Variants in CDK14 observed in about 807,000 individuals in gnomAD.
CDK14 encodes cyclin-dependent kinase 14.
In CDK14, 34 loss-of-function variants were observed where a neutral mutation model predicts 60.7. That is an observed-to-expected ratio of 0.56 (90% CI 0.43 to 0.75). The LOEUF is 0.75. CDK14 is among the 30% of genes least tolerant of loss of function. The pLI is 0.00. For missense variants in CDK14, 482 were observed against 564.1 expected (o/e 0.85, Z 1.47); for synonymous variants, 197 against 203.7 (o/e 0.97, Z 0.28).
At chr7:90,858,101 TA>T (rs1259530690) in intron 5 of CDK14, among the ~76,000 whole-genome samples, 2 of 152,252 alleles carry the variant, frequency 1.3e-5, no homozygotes, top group African/African-American at 4.8e-5. Flanking sequence ...AAATCTGTCA[TA>T]ATTATTGAGA....
At chr7:90,783,910 C>G (rs561263654) in intron 4 of CDK14, among the ~76,000 whole-genome samples, 1 of 152,120 alleles carries the variant, frequency 6.6e-6, no homozygotes, top group African/African-American at 2.4e-5. Flanking sequence ...ATCCAGCAGT[C>G]CCACTCCTGG....
intron 10 of CDK14, among the ~76,000 whole-genome samples, chr7:91,040,868 G>A (rs1171861971): frequency 6.6e-6 from 1 of 152,246 alleles, no homozygotes; most frequent in African/African-American, 2.4e-5. Context: ...TGAGAGAATT[G>A]GTGGAACTAG....
At chr7:90,623,204 T>C (rs1470772739) in intron 2 of CDK14, among the ~76,000 whole-genome samples, 9 of 152,154 alleles carry the variant, frequency 5.9e-5, no homozygotes, top group African/African-American at 2.2e-4. Flanking sequence ...TATACGTAGG[T>C]CTAAAACTGC....
intron 10 of CDK14, among the ~76,000 whole-genome samples, chr7:91,026,992 C>T (rs1796593430): frequency 6.6e-6 from 1 of 152,174 alleles, no homozygotes; most frequent in Admixed American, 6.5e-5. Context: ...CTTAGGCTGC[C>T]TACTGCTACC....
At chr7:91,030,079 A>G (rs1796717718) in intron 10 of CDK14, among the ~76,000 whole-genome samples, 1 of 152,210 alleles carries the variant, frequency 6.6e-6, no homozygotes, top group Non-Finnish European at 1.5e-5. Context: ...TAAGCTCTCA[A>G]TAACTTTTGA....
chr7:91,008,996 TG>T (rs1796075415), intron 10 of CDK14, among the ~76,000 whole-genome samples: 1 of 152,072 alleles, frequency 6.6e-6, no homozygotes, highest in Non-Finnish European at 1.5e-5. Context: ...TGAACCTCCT[TG>T]TAGTCCCCCC....
chr7:90,768,575 A>G (rs933893186), intron 4 of CDK14, among the ~76,000 whole-genome samples: 4 of 152,244 alleles, frequency 2.6e-5, no homozygotes, highest in Non-Finnish European at 5.9e-5. Context: ...AGTTGGAGCC[A>G]TTCCATTATC....
chr7:91,137,327 T>C (rs1800309734), intron 14 of CDK14, among the ~76,000 whole-genome samples: 1 of 152,124 alleles, frequency 6.6e-6, no homozygotes, highest in African/African-American at 2.4e-5. Flanking sequence ...TGTGTTCTCT[T>C]TCCCACCAGG....
chr7:90,793,242 G>A (rs1805907295), intron 5 of CDK14, among the ~76,000 whole-genome samples: 1 of 152,224 alleles, frequency 6.6e-6, no homozygotes, highest in Admixed American at 6.5e-5. Context: ...CAGATTATTA[G>A]ATACAGTCTG....
chr7:90,752,519 T>TA (rs755821348), intron 4 of CDK14, among the ~76,000 whole-genome samples: 1 of 151,988 alleles, frequency 6.6e-6, no homozygotes, highest in Non-Finnish European at 1.5e-5. Flanking sequence ...AAAACAGTGT[T>TA]AAGAGGAAAG....
At chr7:91,000,624 C>CT (rs1231124359) in intron 10 of CDK14, among the ~76,000 whole-genome samples, 1 of 152,174 alleles carries the variant, frequency 6.6e-6, no homozygotes, top group African/African-American at 2.4e-5. Context: ...TCTTTGAGAA[C>CT]TTTTTTTGCT....
intron 10 of CDK14, among the ~76,000 whole-genome samples, chr7:90,992,870 C>CATT (rs1795579065): frequency 6.6e-6 from 1 of 152,158 alleles, no homozygotes; most frequent in Admixed American, 6.6e-5. Context: ...ACAATTCAGG[C>CATT]ATTAGATTGA....
At chr7:90,680,706 G>T (rs1463964158) in intron 2 of CDK14, among the ~76,000 whole-genome samples, 1 of 152,230 alleles carries the variant, frequency 6.6e-6, no homozygotes, top group African/African-American at 2.4e-5. Flanking sequence ...TCAGCTGCGG[G>T]AGTGTTTGGG....
intron 14 of CDK14, among the ~76,000 whole-genome samples, chr7:91,132,204 C>T (rs1014743065): frequency 1.7e-4 from 26 of 151,864 alleles, no homozygotes; most frequent in African/African-American, 5.8e-4. Context: ...TAATTTTGCT[C>T]GAGGAGATAG....
At chr7:90,798,720 C>T (rs1417734913) in intron 5 of CDK14, among the ~76,000 whole-genome samples, 1 of 152,172 alleles carries the variant, frequency 6.6e-6, no homozygotes, top group Non-Finnish European at 1.5e-5. Context: ...TCTAATCTAA[C>T]CTAGATTTAT....
At chr7:91,132,859 T>C (rs1800159119) in intron 14 of CDK14, among the ~76,000 whole-genome samples, 1 of 152,184 alleles carries the variant, frequency 6.6e-6, no homozygotes, top group Non-Finnish European at 1.5e-5. Context: ...ACTGCAACTC[T>C]GTTGTGACTC....
chr7:91,077,836 A>C (rs1165204104), intron 11 of CDK14, among the ~76,000 whole-genome samples: 3 of 152,074 alleles, frequency 2.0e-5, no homozygotes, highest in Non-Finnish European at 4.4e-5. Flanking sequence ...TCCAATATTA[A>C]AATTGGTACC....
intron 5 of CDK14, among the ~76,000 whole-genome samples, chr7:90,834,275 T>C (rs1790016750): frequency 6.6e-6 from 1 of 152,168 alleles, no homozygotes; most frequent in African/African-American, 2.4e-5. Flanking sequence ...TAATCAACAG[T>C]GGTAGTAGGT....
chr7:90,945,628 C>G (rs923893581), intron 8 of CDK14, among the ~76,000 whole-genome samples: 1 of 152,170 alleles, frequency 6.6e-6, no homozygotes, highest in Non-Finnish European at 1.5e-5. Flanking sequence ...TTTTCTCCTT[C>G]CTTATGATCA....
Sources: gnomAD v4.1 joint callset for allele counts (sites outside exome capture counted in the v4.1 genomes callset) on GRCh38, gnomAD v4.1.1 for gene constraint, MANE v1.5 for transcripts, NCBI Gene and HGNC (gene_info 2026-07-23, HGNC 2026-07-21) for gene names.